The following MAMLD1 variants were observed in gnomAD, a reference collection of about 807,000 sequenced individuals.
MAMLD1 encodes mastermind like domain containing 1, also known as mastermind-like domain-containing protein 1.
Under a neutral mutation model 45.0 loss-of-function variants are expected in MAMLD1, and 14 were observed. That is an observed-to-expected ratio of 0.31 (90% confidence interval 0.21 to 0.49). The LOEUF is 0.49. MAMLD1 is among the 20% of genes least tolerant of loss of function. The pLI is 0.99. For missense variants in MAMLD1, 543 were observed against 603.6 expected (o/e 0.90, Z 1.05); for synonymous variants, 254 against 247.8 (o/e 1.02, Z -0.24).
chrX:150,364,732 C>T (rs1557400643), intron 1 of MAMLD1, among the ~76,000 whole-genome samples: 1 of 113,103 alleles, frequency 8.8e-6, no homozygotes, highest in Non-Finnish European at 1.9e-5. Flanking sequence ...GCCGAGCTTA[C>T]TAGAGGCGGC....
intron 3 of MAMLD1, among the ~76,000 whole-genome samples, chrX:150,467,924 C>T (rs781853478): frequency 2.0e-4 from 23 of 112,358 alleles, no homozygotes; most frequent in Non-Finnish European, 3.6e-4. Context: ...ACAATGTGCC[C>T]CGTTTCACTT....
intron 2 of MAMLD1, among the ~76,000 whole-genome samples, chrX:150,458,958 A>G (rs1008283752): frequency 3.6e-5 from 4 of 112,401 alleles, no homozygotes; most frequent in African/African-American, 1.3e-4. Context: ...GCTATATTTA[A>G]TAATGCTGTA....
At chrX:150,474,712 G>A (rs1438973579) in intron 5 of MAMLD1, among the ~76,000 whole-genome samples, 1 of 111,973 alleles carries the variant, frequency 8.9e-6, no homozygotes, top group Non-Finnish European at 1.9e-5. Flanking sequence ...GGGGAAAGGG[G>A]AAAGGTCCAT....
chrX:150,367,773 T>C lies in MAMLD1; in HGVS notation c.-64+4243T>C, dbSNP rs897439514. ...CCCTTCCTGTGTCCATGTGTTCTCA[T>C]TGTTCAATTCCCACCTATGAGTGAG... On this transcript the variant is annotated intron_variant, in intron 1 of 7. Transcript: ENST00000370401. Among the ~76,000 whole-genome samples, 26 of 106,173 alleles carry C rather than the reference T, an allele frequency of 2.4e-4. No individual in the cohort carries two copies. In the East Asian group the frequency reaches 3.5e-3, roughly 14 times the overall value. The allele number at this position is 106,173 out of a possible 115,157, so 92.2% of individuals were successfully genotyped here.
intron 5 of MAMLD1, among the ~76,000 whole-genome samples, chrX:150,489,061 T>A (rs1557407794): frequency 8.9e-6 from 1 of 111,974 alleles, no homozygotes; most frequent in Admixed American, 9.5e-5. Context: ...AGAAGGAAAA[T>A]AACAGAAAAA....
intron 1 of MAMLD1, among the ~76,000 whole-genome samples, chrX:150,369,079 T>G (rs1557400890): frequency 8.9e-6 from 1 of 112,483 alleles, no homozygotes; most frequent in Non-Finnish European, 1.9e-5. Flanking sequence ...TTTAAAGTAG[T>G]TTTTTCCAAT....
chrX:150,398,337 A>AGAAGAAGAAGAAGAAGAAGAG (rs2033588884), intron 1 of MAMLD1, among the ~76,000 whole-genome samples: 4 of 52,284 alleles, frequency 7.7e-5, no homozygotes, highest in Admixed American at 2.3e-4. Context: ...AAGAAGAAGA[A>AGAAGAAGAAGAAGAAGAAGAG]GAAGAGGAAG....
At chrX:150,454,800 A>G (rs782078285) in intron 2 of MAMLD1, among the ~76,000 whole-genome samples, 77 of 109,941 alleles carry the variant, frequency 7.0e-4, no homozygotes, top group African/African-American at 2.4e-3. Context: ...CACCCTTTAA[A>G]TCAACACCAT....
chrX:150,477,566 G>A (rs1166274529), intron 5 of MAMLD1, among the ~76,000 whole-genome samples: 6 of 111,898 alleles, frequency 5.4e-5, no homozygotes, highest in African/African-American at 1.9e-4. Flanking sequence ...ACACAGGTTG[G>A]TGACTCCAGA....
intron 1 of MAMLD1, among the ~76,000 whole-genome samples, chrX:150,374,819 T>C (rs1469007956): frequency 9.0e-6 from 1 of 111,347 alleles, no homozygotes; most frequent in Non-Finnish European, 1.9e-5. Context: ...AGGAGGCAGA[T>C]AGTTGTTTGG....
At position 150,513,288 on chromosome X, in the gene MAMLD1, G is replaced by A; in HGVS notation, c.*1329G>A. On this transcript the variant is annotated 3_prime_UTR_variant, in exon 8 of 8. Coordinates refer to ENST00000370401, the MANE Select transcript of MAMLD1 (RefSeq NM_005491.5). ...GTAAATGGTTTTCCTAAACATTAAT[G>A]ACAGAAGTATTTATACTTCATTTTG... is the stretch of plus-strand genomic sequence containing the variant. 2.5e-6 allele frequency: 1 copy of A among 399,083 alleles called. No homozygotes were observed. The highest frequency in any genetic ancestry group is 4.3e-6 in the Non-Finnish European group (1 of 232,906). 32.9% of individuals were successfully genotyped at this position (399,083 alleles called of 1,213,427 possible).
At chrX:150,411,698 A>G (rs1557402834) in intron 1 of MAMLD1, among the ~76,000 whole-genome samples, 2 of 111,227 alleles carry the variant, frequency 1.8e-5, no homozygotes, top group Non-Finnish European at 3.8e-5. Flanking sequence ...CATTGCCCCA[A>G]TCTCAAGATT....
intron 1 of MAMLD1, among the ~76,000 whole-genome samples, chrX:150,396,149 A>ATTTTTTTTT (rs151164752): frequency 2.5e-4 from 10 of 39,249 alleles, no homozygotes; most frequent in African/African-American, 4.2e-4. Flanking sequence ...TACCTGGCTA[A>ATTTTTTTTT]TTTTTTTTTT....
rs868969154 is a variant in MAMLD1, at chrX:150,382,898, T to A, written c.-64+19368T>A. ...CCATTTTATTTTATTTTTTTTTTTT[T>A]TTATTTTTTATTTTTTTTTTTTTTG... On this transcript the variant is annotated intron_variant, in intron 1 of 7. Transcript: ENST00000370401. Among the ~76,000 whole-genome samples the A allele has an allele frequency of 2.8e-3, 57 of 20,297 alleles. 7 individuals carry two copies. In the South Asian group the frequency reaches 0.038, roughly 13 times the overall value. 17.6% of individuals were successfully genotyped at this position (20,297 alleles called of 115,157 possible). A position where few individuals can be genotyped will look rare whatever the true frequency, so the allele number is the denominator to read the frequency against.
At chrX:150,499,204 C>G (rs1298408301) in intron 5 of MAMLD1, among the ~76,000 whole-genome samples, 1 of 111,940 alleles carries the variant, frequency 8.9e-6, no homozygotes, top group Admixed American at 9.5e-5. Context: ...CTGCTCATTT[C>G]TGTTACATGG....
intron 1 of MAMLD1, among the ~76,000 whole-genome samples, chrX:150,370,514 G>A (rs2031889569): frequency 8.9e-6 from 1 of 111,884 alleles, no homozygotes; most frequent in South Asian, 3.8e-4. Flanking sequence ...TGTCCATGGA[G>A]GTAAGAAACA....
rs1557402486 is a variant in MAMLD1 at position 150,402,717 on chromosome X, A to G, written c.-64+39187A>G. Among the ~76,000 whole-genome samples, 58 of 112,300 alleles carry G rather than the reference A, an allele frequency of 5.2e-4. No homozygotes were observed. The Admixed American group carries it at 5.4e-3, about 11-fold the overall frequency. ...ACTGGATTAAGAAAATGTGGCACAT[A>G]TACACCATGGAATACTATGCAGCCA... On this transcript the variant is annotated intron_variant, in intron 1 of 7. Coordinates refer to ENST00000370401, the MANE Select transcript of MAMLD1 (RefSeq NM_005491.5).
intron 5 of MAMLD1, among the ~76,000 whole-genome samples, chrX:150,474,581 C>T (rs1373853188): frequency 8.9e-6 from 1 of 111,852 alleles, no homozygotes; most frequent in Non-Finnish European, 1.9e-5. Context: ...ACACAAGCCA[C>T]GCTATCTCCA....
In MAMLD1 at chrX:150,496,909, T is replaced by C. The variant is rs184216571; in HGVS notation, c.2041-6365T>C. Among the ~76,000 whole-genome samples the C allele has an allele frequency of 3.4e-3, 379 of 112,756 alleles. 1 individual carries two copies. The highest frequency in any genetic ancestry group is 5.6e-3 in the Non-Finnish European group (300 of 53,317). Reference sequence around the variant, plus strand: ...AGTAATTCCTTCATTTCTTTATACATTATGGATTCTACCATTTTGTTATTG... The same window carrying C: ...AGTAATTCCTTCATTTCTTTATACACTATGGATTCTACCATTTTGTTATTG... On this transcript the variant is annotated intron_variant, in intron 5 of 7. Transcript: ENST00000370401.
Sources: gnomAD v4.1 joint callset for allele counts (sites outside exome capture counted in the v4.1 genomes callset) on GRCh38, gnomAD v4.1.1 for gene constraint, MANE v1.5 for transcripts, NCBI Gene and HGNC (gene_info 2026-07-23, HGNC 2026-07-21) for gene names.